The following KCNK2 variants were observed in gnomAD, a reference collection of about 807,000 sequenced individuals.
KCNK2 encodes the protein potassium channel subfamily K member 2.
A neutral mutation model predicts 40.5 loss-of-function variants in KCNK2; 21 were observed. The observed-to-expected ratio is 0.52, with a 90% CI of 0.37 to 0.75. The LOEUF (loss-of-function observed/expected upper bound fraction) is 0.75. Among genes scored for constraint, KCNK2 ranks in the 30% least tolerant of loss-of-function variants. The pLI, the probability that KCNK2 is intolerant of heterozygous loss-of-function variation, is 0.00. For synonymous variants in KCNK2, 191 were observed against 202.2 expected, an observed-to-expected ratio of 0.94 and a Z score of 0.47; for missense variants, 399 against 531.6, an observed-to-expected ratio of 0.75 and a Z score of 2.45.
At chr1:215,034,601 A>G (rs1348311701) in intron 1 of KCNK2, among the ~76,000 whole-genome samples, 1 of 152,110 alleles carries the variant, frequency 6.6e-6, no homozygotes, top group Non-Finnish European at 1.5e-5. Flanking sequence ...CAGTCTCTGT[A>G]GTTCAAGTCA....
At chr1:215,093,731 A>ATATATAATATAAAAATATATTATATAT (rs1659816111) in intron 2 of KCNK2, among the ~76,000 whole-genome samples, 2 of 89,742 alleles carry the variant, frequency 2.2e-5, no homozygotes, top group South Asian at 5.8e-4. Context: ...AAAATATATA[A>ATATATAATATAAAAATATATTATATAT]TATATAATAT....
At chr1:215,141,099 A>AT (rs903138434) in intron 3 of KCNK2, among the ~76,000 whole-genome samples, 130 of 152,126 alleles carry the variant, frequency 8.5e-4, no homozygotes, top group Non-Finnish European at 1.5e-3. Flanking sequence ...CCACCTCCGT[A>AT]TTTTTTCCCA....
At position 215,234,865 on chromosome 1, in the gene KCNK2, C is replaced by G. The variant is rs1277125473; in HGVS notation, c.1001C>G (p.Ala334Gly). 2 of 1,613,934 alleles carry G rather than the reference C, an allele frequency of 1.2e-6. No individual in the cohort carries two copies. The highest frequency in any genetic ancestry group is 1.7e-6 in the Non-Finnish European group (2 of 1,179,934). The change falls in exon 7 of 7, where the codon GCC (alanine) becomes GGC (glycine). Residue 334 changes from alanine to glycine, a missense_variant. By Grantham distance (60) the Ala-to-Gly change is moderately conservative. Coordinates refer to ENST00000444842, the MANE Select transcript of KCNK2 (RefSeq NM_001017425.3). ...EFRAHAAEWT[A>G]NVTAEFKETR... ...AGAGCACACGCTGCTGAGTGGACAG[C>G]CAACGTCACAGCCGAATTCAAAGAA...
At chr1:215,110,753 C>G (rs1323164721) in intron 2 of KCNK2, among the ~76,000 whole-genome samples, 4 of 99,638 alleles carry the variant, frequency 4.0e-5, no homozygotes, top group African/African-American at 1.1e-4. Flanking sequence ...TTCCCTGCCC[C>G]CACACATGCA....
At chr1:215,184,119 G>C (rs1422150821) in intron 5 of KCNK2, among the ~76,000 whole-genome samples, 2 of 152,152 alleles carry the variant, frequency 1.3e-5, no homozygotes, top group Non-Finnish European at 2.9e-5. Flanking sequence ...GCATCACTCT[G>C]CTGAAGATCT....
intron 3 of KCNK2, among the ~76,000 whole-genome samples, chr1:215,153,753 C>A (rs970631190): frequency 2.6e-5 from 4 of 152,020 alleles, no homozygotes; most frequent in Admixed American, 2.0e-4. Context: ...CCCTCACTCC[C>A]CACCCTCCAA....
intron 1 of KCNK2, among the ~76,000 whole-genome samples, chr1:215,070,407 C>G (rs1293601462): frequency 8.8e-6 from 1 of 114,024 alleles, no homozygotes; most frequent in African/African-American, 3.3e-5. Flanking sequence ...CAGAGTGAGA[C>G]CCCGTCTTAA....
intron 3 of KCNK2, among the ~76,000 whole-genome samples, chr1:215,161,407 T>C (rs970089333): frequency 2.3e-4 from 35 of 152,000 alleles, no homozygotes; most frequent in African/African-American, 8.2e-4. Flanking sequence ...GCTTGCTCTT[T>C]CTCCCTCTCT....
chr1:215,012,617 G>A (rs1268306321), intron 1 of KCNK2, among the ~76,000 whole-genome samples: 1 of 148,888 alleles, frequency 6.7e-6, no homozygotes, highest in African/African-American at 2.5e-5. Flanking sequence ...GATTACTGGT[G>A]CACACCACCA....
intron 1 of KCNK2, among the ~76,000 whole-genome samples, chr1:215,028,951 T>C (rs1657088939): frequency 6.7e-6 from 1 of 149,076 alleles, no homozygotes; most frequent in African/African-American, 2.4e-5. Context: ...GAAATTCACT[T>C]ATTTTAAAAA....
chr1:215,144,490 G>A (rs1008332628), intron 3 of KCNK2, among the ~76,000 whole-genome samples: 2 of 152,102 alleles, frequency 1.3e-5, no homozygotes, highest in Non-Finnish European at 2.9e-5. Flanking sequence ...CAAGGTAATA[G>A]TCAAGGCACG....
chr1:215,174,152 G>T (rs1336442696), intron 5 of KCNK2, among the ~76,000 whole-genome samples: 5 of 152,082 alleles, frequency 3.3e-5, no homozygotes, highest in African/African-American at 2.4e-5. Context: ...TTTGTATAAG[G>T]TGTAAGGAAG....
chr1:215,204,950 G>A (rs904057865), intron 6 of KCNK2, among the ~76,000 whole-genome samples: 1 of 152,112 alleles, frequency 6.6e-6, no homozygotes, highest in Non-Finnish European at 1.5e-5. Flanking sequence ...AACTTGATTT[G>A]AACCAAATGA....
Position 215,148,666 on chromosome 1 carries a change from T to A in KCNK2, c.476-20533T>A, listed in dbSNP as rs369431999. Among the ~76,000 whole-genome samples, 8 of 152,158 alleles carry A rather than the reference T, an allele frequency of 5.3e-5. No individual in the cohort carries two copies. In the South Asian group the frequency reaches 1.7e-3, roughly 32 times the overall value. ...TTCTCTGCTCCCAACAAGTTTATGA[T>A]TAAGAAGAGAGACAAAGCCTGTAAC... On this transcript the variant is annotated intron_variant, in intron 3 of 6. Transcript: ENST00000444842.
intron 3 of KCNK2, among the ~76,000 whole-genome samples, chr1:215,150,063 T>A (rs1662617918): frequency 6.6e-6 from 1 of 152,198 alleles, no homozygotes; most frequent in Admixed American, 6.5e-5. Flanking sequence ...CGTTATGATC[T>A]AGTAAGATCA....
intron 5 of KCNK2, among the ~76,000 whole-genome samples, chr1:215,184,449 G>A (rs1664346452): frequency 6.6e-6 from 1 of 152,114 alleles, no homozygotes; most frequent in Non-Finnish European, 1.5e-5. Context: ...CGTATTGTAT[G>A]TGTTTGTATT....
chr1:215,146,219 A>T (rs1442226159), intron 3 of KCNK2, among the ~76,000 whole-genome samples: 1 of 152,170 alleles, frequency 6.6e-6, no homozygotes, highest in Non-Finnish European at 1.5e-5. Context: ...CTACAGGTAG[A>T]TTATTATTGT....
chr1:215,070,878 T>C (rs190418424), intron 1 of KCNK2, among the ~76,000 whole-genome samples: 322 of 152,190 alleles, frequency 2.1e-3, no homozygotes, highest in Middle Eastern at 6.8e-3. Context: ...TACGATCAAA[T>C]GTATCAGAGG....
intron 6 of KCNK2, among the ~76,000 whole-genome samples, chr1:215,231,653 C>A (rs1000440685): frequency 6.6e-6 from 1 of 152,212 alleles, no homozygotes; most frequent in East Asian, 1.9e-4. Context: ...TATTCTGCCT[C>A]TCCAGTAAAA....
Sources: gnomAD v4.1 joint callset for allele counts (sites outside exome capture counted in the v4.1 genomes callset) on GRCh38, gnomAD v4.1.1 for gene constraint, MANE v1.5 for transcripts, NCBI Gene and HGNC (gene_info 2026-07-23, HGNC 2026-07-21) for gene names.